PPP2R3A: variants seen among roughly 807,000 people sequenced by gnomAD.
PPP2R3A encodes the protein serine/threonine-protein phosphatase 2A regulatory subunit B'' subunit alpha.
PPP2R3A carries 80 observed loss-of-function variants against 106.9 expected under a neutral mutation model. That is an observed-to-expected ratio of 0.75 (90% CI 0.62 to 0.90). The LOEUF is 0.90. PPP2R3A is among the 40% of genes least tolerant of loss of function. The pLI, the probability that PPP2R3A is intolerant of heterozygous loss-of-function variation, is 0.00. For synonymous variants in PPP2R3A, 483 were observed against 468.3 expected, an observed-to-expected ratio of 1.03 and a Z score of -0.41; for missense variants, 1,386 against 1,350.4, an observed-to-expected ratio of 1.03 and a Z score of -0.41.
At position 136,001,083 on chromosome 3, in the gene PPP2R3A, T is replaced by C; in HGVS notation, c.-416T>C. The C allele has an allele frequency of 7.5e-6, 3 of 397,990 alleles. No individual in the cohort carries two copies. The highest frequency in any genetic ancestry group is 1.3e-5 in the Non-Finnish European group (3 of 225,832). 24.7% of individuals were successfully genotyped at this position (397,990 alleles called of 1,614,324 possible). On this transcript the variant is annotated 5_prime_UTR_variant, in exon 2 of 14. It removes an upstream start codon present in the reference 5' UTR. Coordinates refer to ENST00000264977, the MANE Select transcript of PPP2R3A (RefSeq NM_002718.5). ...GGTTTCTCTGTCATTCACAGAAAAA[T>C]GAATCATTTAAACCTTTGGAGGACT...
chr3:136,005,890 A>C (rs1933826288), intron 2 of PPP2R3A, among the ~76,000 whole-genome samples: 1 of 152,168 alleles, frequency 6.6e-6, no homozygotes, highest in South Asian at 2.1e-4. Context: ...AACCATTATA[A>C]CCAGAAACTC....
At chr3:135,992,478 C>G (rs1341726262) in intron 1 of PPP2R3A, among the ~76,000 whole-genome samples, 1 of 152,046 alleles carries the variant, frequency 6.6e-6, no homozygotes, top group African/African-American at 2.4e-5. Context: ...ATTTCTTTAC[C>G]TCATACTCTG....
At chr3:136,040,606 C>T (rs560704557) in intron 3 of PPP2R3A, among the ~76,000 whole-genome samples, 200 of 152,312 alleles carry the variant, frequency 1.3e-3, no homozygotes, top group African/African-American at 4.6e-3. Context: ...GAGGGAATCA[C>T]TTTAAATGGA....
At chr3:136,118,075 T>C (rs750189001) in intron 13 of PPP2R3A, among the ~76,000 whole-genome samples, 8 of 152,106 alleles carry the variant, frequency 5.3e-5, no homozygotes, top group Non-Finnish European at 8.8e-5. Context: ...GTTCAACATA[T>C]GCAAAACAGT....
intron 3 of PPP2R3A, among the ~76,000 whole-genome samples, chr3:136,030,486 T>A (rs111398081): frequency 4.6e-5 from 7 of 152,148 alleles, no homozygotes; most frequent in Non-Finnish European, 8.8e-5. Context: ...TGTGAGATTT[T>A]GGTGCATCCG....
chr3:135,966,640 G>C (rs1205623921), intron 1 of PPP2R3A, among the ~76,000 whole-genome samples: 1 of 152,154 alleles, frequency 6.6e-6, no homozygotes, highest in African/African-American at 2.4e-5. Flanking sequence ...TAAAGCTTAA[G>C]GAAATTTTAT....
Position 136,145,223 on chromosome 3 carries a change from A to C in PPP2R3A, c.*57A>C. ...TATTTTAAATGTTTCTTTCTTGTGAAGAGATGTTCTCGTTTGCATACTGCT... is the reference window on the plus strand; with the variant it reads ...TATTTTAAATGTTTCTTTCTTGTGACGAGATGTTCTCGTTTGCATACTGCT... On this transcript the variant is annotated 3_prime_UTR_variant, in exon 14 of 14. Transcript: ENST00000264977. The C allele has an allele frequency of 6.4e-7, 1 of 1,557,170 alleles. No homozygotes were observed. Among genetic ancestry groups the C allele is most frequent in the South Asian group, 1.2e-5 (1 of 82,090 alleles).
chr3:136,106,660 G>T (rs967701437), intron 13 of PPP2R3A: 2 of 236,676 alleles, frequency 8.5e-6, no homozygotes, highest in Non-Finnish European at 1.6e-5. Flanking sequence ...GGTGGCTCAC[G>T]CCTGTAATCT....
At chr3:135,977,287 G>T (rs896839162) in intron 1 of PPP2R3A, among the ~76,000 whole-genome samples, 2 of 152,104 alleles carry the variant, frequency 1.3e-5, no homozygotes, top group Non-Finnish European at 2.9e-5. Context: ...TGAAATTTTA[G>T]AATTAGATTA....
At chr3:136,142,814 G>A (rs768412306) in intron 13 of PPP2R3A, among the ~76,000 whole-genome samples, 2 of 152,198 alleles carry the variant, frequency 1.3e-5, no homozygotes, top group African/African-American at 4.8e-5. Flanking sequence ...GTTATTCATA[G>A]ACCTACACTG....
chr3:136,026,800 T>G, intron 2 of PPP2R3A, 32 bp from the exon 3 acceptor site: 1 of 1,551,688 alleles, frequency 6.4e-7, no homozygotes, highest in African/African-American at 1.4e-5. Context: ...TGTTTAAATT[T>G]TTTGTGTCTC....
chr3:136,027,126 T>A, intron 3 of PPP2R3A, 28 bp downstream of exon 3: 1 of 1,579,022 alleles, frequency 6.3e-7, no homozygotes. Context: ...TGATTTACAA[T>A]CTCCCCTTCT....
chr3:136,024,288 C>T (rs138141375), intron 2 of PPP2R3A, among the ~76,000 whole-genome samples: 5 of 152,158 alleles, frequency 3.3e-5, no homozygotes, highest in African/African-American at 1.2e-4. Flanking sequence ...TGTAAACTAC[C>T]AGTTTTATTC....
At chr3:136,075,970 A>C (rs1222870782) in intron 6 of PPP2R3A, among the ~76,000 whole-genome samples, 2 of 151,384 alleles carry the variant, frequency 1.3e-5, no homozygotes, top group Non-Finnish European at 3.0e-5. Context: ...AGTGCTAAGA[A>C]TACAGTATTG....
At chr3:136,116,195 G>GAC (rs1937750333) in intron 13 of PPP2R3A, among the ~76,000 whole-genome samples, 1 of 152,278 alleles carries the variant, frequency 6.6e-6, no homozygotes, top group South Asian at 2.1e-4. Context: ...CAAATGCTGA[G>GAC]AGATTTTGTC....
intron 1 of PPP2R3A, among the ~76,000 whole-genome samples, chr3:135,987,604 A>G (rs6439606): frequency 0.012 from 1,890 of 152,266 alleles, 46 homozygotes; most frequent in African/African-American, 0.043. Context: ...ATCACCGACT[A>G]TCAAGATAGT....
At chr3:136,138,919 C>T (rs150055703) in intron 13 of PPP2R3A, among the ~76,000 whole-genome samples, 1,666 of 151,838 alleles carry the variant, frequency 0.011, 30 homozygotes, top group East Asian at 0.047. Context: ...CCATGTTGGT[C>T]AGGCTGGTCT....
intron 5 of PPP2R3A, among the ~76,000 whole-genome samples, chr3:136,068,718 C>G (rs958477000): frequency 6.6e-6 from 1 of 151,968 alleles, no homozygotes; most frequent in Non-Finnish European, 1.5e-5. Flanking sequence ...TTGACACTCT[C>G]AAAAGCGTCT....
chr3:136,080,682 CTG>C (rs1178956004), intron 7 of PPP2R3A, among the ~76,000 whole-genome samples: 23 of 152,146 alleles, frequency 1.5e-4, no homozygotes, highest in Admixed American at 1.2e-3. Flanking sequence ...TCATTTTTGT[CTG>C]TATTCATCTA....
Sources: gnomAD v4.1 joint callset for allele counts (sites outside exome capture counted in the v4.1 genomes callset) on GRCh38, gnomAD v4.1.1 for gene constraint, MANE v1.5 for transcripts, NCBI Gene and HGNC (gene_info 2026-07-23, HGNC 2026-07-21) for gene names.